ADAM12: variants seen among roughly 807,000 people sequenced by gnomAD.
ADAM12 encodes the protein ADAM metallopeptidase domain 12.
A neutral mutation model predicts 106.4 loss-of-function variants in ADAM12; 70 were observed. The observed-to-expected ratio is 0.66, with a 90% confidence interval of 0.54 to 0.80. The LOEUF (loss-of-function observed/expected upper bound fraction) is 0.80, where lower values mean the gene tolerates loss of function less well. Among genes scored for constraint, ADAM12 ranks in the 30% least tolerant of loss-of-function variants. ADAM12 has a pLI of 0.00. For synonymous variants in ADAM12, 420 were observed against 433.5 expected (o/e 0.97, Z 0.39); for missense variants, 1,010 against 1,171.9 (o/e 0.86, Z 2.02).
At chr10:126,260,453 T>C (rs550353975) in intron 3 of ADAM12, among the ~76,000 whole-genome samples, 2 of 152,330 alleles carry the variant, frequency 1.3e-5, no homozygotes, top group South Asian at 2.1e-4. Context: ...GAGGAACCAA[T>C]GGGCTGCTCT....
intron 2 of ADAM12, among the ~76,000 whole-genome samples, chr10:126,285,619 C>T (rs1039005225): frequency 2.0e-5 from 3 of 152,132 alleles, no homozygotes; most frequent in Non-Finnish European, 4.4e-5. Flanking sequence ...AGATAAACCC[C>T]AAGACTGATA....
intron 1 of ADAM12, among the ~76,000 whole-genome samples, chr10:126,368,156 T>TA: frequency 6.6e-6 from 1 of 152,040 alleles, no homozygotes; most frequent in Non-Finnish European, 1.5e-5. Flanking sequence ...TGTGTATATA[T>TA]AATATAGGAT....
chr10:126,302,760 G>A (rs979589652), intron 2 of ADAM12, among the ~76,000 whole-genome samples: 1 of 152,144 alleles, frequency 6.6e-6, no homozygotes, highest in Admixed American at 6.6e-5. Flanking sequence ...TAGAAAGAAA[G>A]GAAAAGGTTT....
At chr10:126,034,038 G>A (rs1227481277) in intron 21 of ADAM12, among the ~76,000 whole-genome samples, 1 of 152,184 alleles carries the variant, frequency 6.6e-6, no homozygotes, top group Non-Finnish European at 1.5e-5. Context: ...TACAACATCT[G>A]CAGTGACTCT....
chr10:126,064,777 C>T lies in ADAM12; in HGVS notation c.1609+29G>A, dbSNP rs1261378319. The T allele has an allele frequency of 3.2e-6, 5 of 1,574,596 alleles. No homozygotes were observed. The highest frequency in any genetic ancestry group is 4.3e-6 in the Non-Finnish European group (5 of 1,161,264). ...CAGCCCAGGTCTGCCAGTGCCTCTCCTGATGCCGAGCTTGTGGCGGCCACG... is the reference window on the plus strand; with the variant it reads ...CAGCCCAGGTCTGCCAGTGCCTCTCTTGATGCCGAGCTTGTGGCGGCCACG... On this transcript the variant is annotated intron_variant, in intron 14 of 22. Coordinates refer to ENST00000448723, the MANE Select transcript of ADAM12 (RefSeq NM_001288973.2). The surrounding 1 kb of genome is among the most constrained non-coding windows in gnomAD (Gnocchi z 4.4).
At position 126,098,512 on chromosome 10, in the gene ADAM12, A is replaced by T. The variant is rs746193238; in HGVS notation, c.912-12T>A. On this transcript the variant is annotated splice_polypyrimidine_tract_variant and intron_variant, in intron 9 of 22. Coordinates refer to ENST00000448723, the MANE Select transcript of ADAM12 (RefSeq NM_001288973.2). The stretch of plus-strand genomic sequence containing the variant: ...GGAAATAAACCCCACTAGGAAATAA[A>T]AGAGAGGACTTTCTTTAATCAAATT... 2 of 1,607,708 alleles carry T rather than the reference A, an allele frequency of 1.2e-6. No homozygotes were observed. Among genetic ancestry groups the T allele is most frequent in the East Asian group, 4.5e-5 (2 of 44,834 alleles).
chr10:126,140,915 T>G (rs1414157377), intron 4 of ADAM12, among the ~76,000 whole-genome samples: 1 of 152,084 alleles, frequency 6.6e-6, no homozygotes, highest in Non-Finnish European at 1.5e-5. Flanking sequence ...TCTTAGCCAG[T>G]GACAAAGGCA....
rs773209786 is a variant in ADAM12 at position 126,043,148 on chromosome 10, C to A, written c.1996G>T (p.Val666Leu). The A allele has an allele frequency of 6.2e-7, 1 of 1,613,984 alleles. No individual in the cohort carries two copies. Among genetic ancestry groups the A allele is most frequent in the South Asian group, 1.1e-5 (1 of 91,046 alleles). The change falls in exon 18 of 23, where the codon GTG (valine) becomes TTG (leucine). Residue 666 changes from valine (V) to leucine (L), a missense_variant and splice_region_variant. Around this residue, in one of 3 missense-constraint regions of ADAM12, gnomAD observed 615 missense variants for 708.5 expected, o/e 0.87. Transcript: ENST00000448723. This position sits in a 1 kb window ranked among gnomAD's most constrained non-coding sequence, Gnocchi z 4.1. ...ECAMQCHGRG[V>L]CNNRKNCHCE... ...TGGCAGTTCTTCCTGTTGTTGCACA[C>A]CTTTCAGGGCAGAGGGGAGGGACGT...
At chr10:126,200,450 C>T (rs540026216) in intron 3 of ADAM12, among the ~76,000 whole-genome samples, 1 of 152,204 alleles carries the variant, frequency 6.6e-6, no homozygotes, top group South Asian at 2.1e-4. Context: ...AGGTTAAAAA[C>T]CAGAATTTTG....
At chr10:126,123,834 TAGAAAG>T (rs1031084080) in intron 5 of ADAM12, among the ~76,000 whole-genome samples, 4 of 152,184 alleles carry the variant, frequency 2.6e-5, no homozygotes, top group Admixed American at 6.5e-5. Flanking sequence ...GAATTAGAAT[TAGAAAG>T]AGAAAATGGA....
Position 126,361,407 on chromosome 10 carries a change from T to C in ADAM12, c.88+26651A>G, listed in dbSNP as rs142244952. On this transcript the variant is annotated intron_variant, in intron 1 of 22. Transcript: ENST00000448723. ...TGCAATCTCTATCAAAAGTCCAATG[T>C]GATTTTTTATAGAAATAGAAAAAAC... Among the ~76,000 whole-genome samples the C allele has an allele frequency of 5.8e-3, 861 of 149,344 alleles. 6 individuals carry two copies. Among genetic ancestry groups the C allele is most frequent in the African/African-American group, 0.016 (663 of 40,758 alleles).
intron 11 of ADAM12, among the ~76,000 whole-genome samples, chr10:126,080,002 T>C (rs1200875569): frequency 6.6e-6 from 1 of 152,216 alleles, no homozygotes; most frequent in African/African-American, 2.4e-5. Context: ...ACAAACTTCA[T>C]ATCAGAAATG....
chr10:126,344,205 G>T (rs954658082), intron 1 of ADAM12, among the ~76,000 whole-genome samples: 2 of 152,104 alleles, frequency 1.3e-5, no homozygotes, highest in Admixed American at 1.3e-4. Context: ...TGTATAAGGT[G>T]TAAGGAAGGG....
chr10:126,079,279 T>G (rs534738279), intron 11 of ADAM12, among the ~76,000 whole-genome samples: 1 of 151,828 alleles, frequency 6.6e-6, no homozygotes, highest in South Asian at 2.1e-4. Flanking sequence ...CTGCAGAACT[T>G]CCCCCCACCC....
chr10:126,129,636 C>T (rs762432773), intron 5 of ADAM12, among the ~76,000 whole-genome samples: 1 of 152,208 alleles, frequency 6.6e-6, no homozygotes, highest in Non-Finnish European at 1.5e-5. Flanking sequence ...GAATCACAAG[C>T]ACTTCACCGA....
chr10:126,207,856 A>C (rs1957824591), intron 3 of ADAM12, among the ~76,000 whole-genome samples: 1 of 152,192 alleles, frequency 6.6e-6, no homozygotes, highest in Non-Finnish European at 1.5e-5. Context: ...TATATTGTTG[A>C]TAAGATTACA....
At chr10:126,337,077 A>G (rs1331601543) in intron 1 of ADAM12, among the ~76,000 whole-genome samples, 1 of 152,150 alleles carries the variant, frequency 6.6e-6, no homozygotes, top group Non-Finnish European at 1.5e-5. Flanking sequence ...TATATAAAAC[A>G]GGGAGTTTAT....
intron 10 of ADAM12, among the ~76,000 whole-genome samples, chr10:126,095,533 CAAA>C (rs11396229): frequency 2.1e-5 from 1 of 46,576 alleles, no homozygotes; most frequent in African/African-American, 1.2e-4. Context: ...GACTCTGTCT[CAAA>C]AAAAAAAAAA....
chr10:126,034,331 T>C (rs1432335485), intron 21 of ADAM12, among the ~76,000 whole-genome samples: 3 of 152,158 alleles, frequency 2.0e-5, no homozygotes, highest in Non-Finnish European at 4.4e-5. Context: ...CATTCTACAA[T>C]GCATAGGAAA....
Sources: allele counts gnomAD v4.1 joint callset (sites outside exome capture counted in the v4.1 genomes callset), GRCh38; gene constraint gnomAD v4.1.1; regional missense constraint gnomAD v4.1.1; non-coding constraint Gnocchi (gnomAD v3.1); transcripts MANE v1.5; gene names NCBI Gene and HGNC (gene_info 2026-07-23, HGNC 2026-07-21).